ZFHX3: variants seen among roughly 807,000 people sequenced by gnomAD.
ZFHX3 encodes zinc finger homeobox 3, also known as zinc finger homeobox protein 3.
In ZFHX3, 42 loss-of-function variants were observed where a neutral mutation model predicts 279.1. The observed-to-expected ratio is 0.15, with a 90% CI of 0.12 to 0.19. The LOEUF is 0.19. Ranked by LOEUF, ZFHX3 falls within the 10% of genes least tolerant of loss-of-function variation. The probability of loss-of-function intolerance (pLI) is 1.00; values close to 1 mark genes in which losing one functional copy is unlikely to be tolerated. For missense variants in ZFHX3, 4,981 were observed against 4,754.0 expected (o/e 1.05, Z -1.40); for synonymous variants, 2,293 against 1,957.8 (o/e 1.17, Z -4.52).
intron 1 of ZFHX3, among the ~76,000 whole-genome samples, chr16:73,714,143 C>T (rs1335865487): frequency 6.6e-6 from 1 of 152,162 alleles, no homozygotes; most frequent in African/African-American, 2.4e-5. Context: ...CAACTGGGAG[C>T]ATGCTGCTTG....
At chr16:73,492,855 A>C (rs1334669495) in intron 2 of ZFHX3, among the ~76,000 whole-genome samples, 3 of 152,166 alleles carry the variant, frequency 2.0e-5, no homozygotes, top group Non-Finnish European at 4.4e-5. Flanking sequence ...CTGTGGTGAG[A>C]CTGTAAATTC....
intron 1 of ZFHX3, among the ~76,000 whole-genome samples, chr16:73,000,259 G>A (rs1567626051): frequency 6.6e-6 from 1 of 152,236 alleles, no homozygotes; most frequent in Non-Finnish European, 1.5e-5. Flanking sequence ...GGGACGAAGG[G>A]CACGCGGTGA....
At chr16:73,385,944 C>T (rs1000118082) in intron 3 of ZFHX3, among the ~76,000 whole-genome samples, 7 of 151,800 alleles carry the variant, frequency 4.6e-5, no homozygotes, top group Non-Finnish European at 7.4e-5. Flanking sequence ...TCTCATGCCC[C>T]GAACCCCAGT....
intron 7 of ZFHX3, among the ~76,000 whole-genome samples, chr16:73,119,662 T>C (rs891733758): frequency 6.6e-6 from 1 of 152,226 alleles, no homozygotes; most frequent in Admixed American, 6.5e-5. Context: ...AGTTACATCA[T>C]AGGAAATATA....
chr16:72,855,188 A>T (rs750499165), intron 4 of ZFHX3, among the ~76,000 whole-genome samples: 1 of 152,254 alleles, frequency 6.6e-6, no homozygotes, highest in Non-Finnish European at 1.5e-5. Context: ...GGCTGGGGTT[A>T]ATGGCAGATG....
At chr16:73,552,010 A>G (rs2020210370) in intron 2 of ZFHX3, among the ~76,000 whole-genome samples, 1 of 152,102 alleles carries the variant, frequency 6.6e-6, no homozygotes, top group South Asian at 2.1e-4. Flanking sequence ...TCTGTGAGTG[A>G]ATGAGTGAGT....
chr16:72,828,970 C>T (rs967507350), intron 5 of ZFHX3, among the ~76,000 whole-genome samples: 4 of 151,176 alleles, frequency 2.6e-5, no homozygotes, highest in African/African-American at 7.3e-5. Flanking sequence ...GGATTACAGG[C>T]GTGAGCCATT....
intron 2 of ZFHX3, among the ~76,000 whole-genome samples, chr16:73,606,955 G>A (rs1392481599): frequency 6.6e-6 from 1 of 151,948 alleles, no homozygotes; most frequent in East Asian, 1.9e-4. Context: ...CCAGCTCTGA[G>A]CAACAGAGCA....
intron 3 of ZFHX3, among the ~76,000 whole-genome samples, chr16:73,394,888 C>T (rs1394714490): frequency 1.3e-5 from 2 of 152,098 alleles, no homozygotes; most frequent in African/African-American, 4.8e-5. Context: ...GAAACCAAGG[C>T]CCAGAAGGGT....
chr16:73,261,836 C>A (rs552701955), intron 4 of ZFHX3, among the ~76,000 whole-genome samples: 1 of 151,976 alleles, frequency 6.6e-6, no homozygotes, highest in African/African-American at 2.4e-5. Flanking sequence ...CCACCACGCT[C>A]GGCGAATTTT....
chr16:72,826,699 CTTTACTA>C (rs2036940283), intron 5 of ZFHX3, among the ~76,000 whole-genome samples: 1 of 152,136 alleles, frequency 6.6e-6, no homozygotes, highest in African/African-American at 2.4e-5. Flanking sequence ...TCCCTTCTCT[CTTTACTA>C]TTGTGCAGCT....
intron 5 of ZFHX3, among the ~76,000 whole-genome samples, chr16:73,160,735 C>A (rs80266189): frequency 6.6e-6 from 1 of 151,208 alleles, no homozygotes; most frequent in African/African-American, 2.4e-5. Flanking sequence ...AATCCTGTCA[C>A]GGCATGCTTA....
chr16:73,789,876 T>A (rs535538976), intron 1 of ZFHX3, among the ~76,000 whole-genome samples: 8 of 152,204 alleles, frequency 5.3e-5, no homozygotes, highest in Admixed American at 5.2e-4. Flanking sequence ...GAGAAGAAGA[T>A]GAAAAAGGAG....
chr16:73,458,244 T>A (rs984175873), intron 2 of ZFHX3, among the ~76,000 whole-genome samples: 1 of 152,084 alleles, frequency 6.6e-6, no homozygotes, highest in Non-Finnish European at 1.5e-5. Context: ...GACACCCAAG[T>A]AGAATTCTTT....
At chr16:73,017,474 C>T (rs976503856) in intron 1 of ZFHX3, among the ~76,000 whole-genome samples, 1 of 152,068 alleles carries the variant, frequency 6.6e-6, no homozygotes, top group African/African-American at 2.4e-5. Flanking sequence ...TGGTGCCCTT[C>T]GCCAAGTCAT....
chr16:73,719,858 C>G (rs2053457286), intron 1 of ZFHX3, among the ~76,000 whole-genome samples: 2 of 152,194 alleles, frequency 1.3e-5, no homozygotes, highest in Non-Finnish European at 2.9e-5. Flanking sequence ...GTCTCAAACT[C>G]CCAACCTCAG....
intron 3 of ZFHX3, among the ~76,000 whole-genome samples, chr16:72,949,772 A>C (rs1372350025): frequency 1.4e-5 from 2 of 144,858 alleles, no homozygotes; most frequent in Admixed American, 6.8e-5. Context: ...AAAAAAAAAC[A>C]CACAAAGGAG....
chr16:72,848,246 T>G (rs777730563), intron 4 of ZFHX3, among the ~76,000 whole-genome samples: 1 of 152,060 alleles, frequency 6.6e-6, no homozygotes, highest in Non-Finnish European at 1.5e-5. Flanking sequence ...GCTAAGCAGT[T>G]AGGAACTTCC....
At chr16:73,089,058 C>A (rs1392427839) in intron 8 of ZFHX3, among the ~76,000 whole-genome samples, 2 of 152,104 alleles carry the variant, frequency 1.3e-5, no homozygotes, top group African/African-American at 4.8e-5. Context: ...CACTCACTTC[C>A]AAAGGCAAAG....
Sources: gnomAD v4.1 joint callset for allele counts (sites outside exome capture counted in the v4.1 genomes callset) on GRCh38, gnomAD v4.1.1 for gene constraint, MANE v1.5 for transcripts, NCBI Gene and HGNC (gene_info 2026-07-23, HGNC 2026-07-21) for gene names.